Variants in CALN1 observed in about 807,000 individuals in gnomAD.
CALN1 encodes calneuron 1.
Under a neutral mutation model 30.6 loss-of-function variants are expected in CALN1, and 17 were observed. The observed-to-expected ratio is 0.56, with a 90% confidence interval of 0.38 to 0.83. The LOEUF is 0.83. Ranked by LOEUF, CALN1 falls within the 40% of genes least tolerant of loss-of-function variation. CALN1 has a pLI of 0.00. For missense variants in CALN1, 291 were observed against 354.9 expected (o/e 0.82, Z 1.45); for synonymous variants, 156 against 131.4 (o/e 1.19, Z -1.28).
At chr7:72,080,988 T>G (rs898395332) in intron 4 of CALN1, among the ~76,000 whole-genome samples, 11 of 152,124 alleles carry the variant, frequency 7.2e-5, no homozygotes, top group African/African-American at 2.7e-4. Flanking sequence ...TCGCCTAATC[T>G]GGAATTGGTT....
rs531871802 is a variant in CALN1 at position 72,428,859 on chromosome 7, C to A, written c.-225-16584G>T. 3.9e-5 allele frequency among the ~76,000 whole-genome samples: 6 copies of A among 152,160 alleles called. No individual in the cohort carries two copies. In the South Asian group the frequency reaches 1.2e-3, roughly 32 times the overall value. ...TTAAAAAATACAAATGCTAGAGGGA[C>A]CTATCAGAAAAGAGAGAATCACAGA... On this transcript the variant is annotated intron_variant, in intron 1 of 6. Transcript: ENST00000395276.
rs184022571 is a variant in CALN1, at chr7:71,870,104, C to G, written c.502-59612G>C. Among the ~76,000 whole-genome samples the G allele has an allele frequency of 4.0e-3, 613 of 152,308 alleles. 7 individuals are homozygous for G. Among genetic ancestry groups the G allele is most frequent in the African/African-American group, 0.014 (591 of 41,564 alleles). On this transcript the variant is annotated intron_variant, in intron 5 of 6. Transcript: ENST00000395275. The stretch of plus-strand genomic sequence containing the variant: ...TTATTTGTTAAGAAACAAAGAGTGG[C>G]TGGCGCAGTGGCTCACGCCTGTAAT...
At chr7:71,926,142 G>T (rs1795259729) in intron 5 of CALN1, among the ~76,000 whole-genome samples, 1 of 152,052 alleles carries the variant, frequency 6.6e-6, no homozygotes, top group African/African-American at 2.4e-5. Context: ...CTCCCCACAT[G>T]CTCGGGCTCC....
At chr7:72,181,679 G>A (rs111919960) in intron 3 of CALN1, among the ~76,000 whole-genome samples, 27,223 of 152,142 alleles carry the variant, frequency 0.18, 2,645 homozygotes, top group East Asian at 0.28. Flanking sequence ...GTTTCGCCAT[G>A]TTGGCCAGGC....
At chr7:72,236,056 C>G (rs1304340429) in intron 3 of CALN1, among the ~76,000 whole-genome samples, 1 of 98,518 alleles carries the variant, frequency 1.0e-5, no homozygotes, top group Non-Finnish European at 2.0e-5. Context: ...CCTGCCTGGG[C>G]AATATAATGA....
chr7:71,931,798 C>T lies in CALN1; in HGVS notation c.501+91859G>A, dbSNP rs533272205. 2.6e-4 allele frequency among the ~76,000 whole-genome samples: 39 copies of T among 152,282 alleles called. No homozygotes were observed. In the South Asian group the frequency reaches 7.9e-3, roughly 31 times the overall value. ...TACGGTGGCAGGAATTACAGATTATCTTAATCAATAATCATTCTTCTGATT... is the reference window on the plus strand; with the variant it reads ...TACGGTGGCAGGAATTACAGATTATTTTAATCAATAATCATTCTTCTGATT... On this transcript the variant is annotated intron_variant, in intron 5 of 6. Coordinates refer to ENST00000395275, the MANE Select transcript of CALN1 (RefSeq NM_031468.4).
At chr7:72,443,805 T>G (rs937978987) in intron 1 of CALN1, among the ~76,000 whole-genome samples, 4 of 151,664 alleles carry the variant, frequency 2.6e-5, no homozygotes, top group African/African-American at 9.7e-5. Context: ...AAATGTTAGG[T>G]GGTGGTATTC....
intron 5 of CALN1, among the ~76,000 whole-genome samples, chr7:71,917,827 G>A (rs936731716): frequency 2.0e-5 from 3 of 152,096 alleles, no homozygotes; most frequent in South Asian, 4.1e-4. Flanking sequence ...GAGCCAAACC[G>A]TTACAATTGT....
At chr7:72,039,731 G>T (rs1244865017) in intron 4 of CALN1, among the ~76,000 whole-genome samples, 1 of 152,110 alleles carries the variant, frequency 6.6e-6, no homozygotes, top group Admixed American at 6.5e-5. Context: ...GGGAAAAGGG[G>T]GCCCAGGCCT....
chr7:72,076,206 G>A (rs1371053207), intron 4 of CALN1, among the ~76,000 whole-genome samples: 2 of 151,938 alleles, frequency 1.3e-5, no homozygotes, highest in East Asian at 1.9e-4. Flanking sequence ...TAGATCATGG[G>A]TTGATAGGTA....
At chr7:72,290,753 C>G (rs953581169) in intron 2 of CALN1, among the ~76,000 whole-genome samples, 2 of 152,138 alleles carry the variant, frequency 1.3e-5, no homozygotes, top group African/African-American at 4.8e-5. Flanking sequence ...TGTACTTTCT[C>G]TTTTCAGTTT....
At chr7:71,834,637 C>T (rs796500249) in intron 5 of CALN1, among the ~76,000 whole-genome samples, 16 of 152,196 alleles carry the variant, frequency 1.1e-4, no homozygotes, top group African/African-American at 3.9e-4. Context: ...TATCCTTGCA[C>T]CAGTTTTAGT....
chr7:72,290,076 T>A (rs1382472232), intron 2 of CALN1, among the ~76,000 whole-genome samples: 1 of 71,868 alleles, frequency 1.4e-5, no homozygotes, highest in Non-Finnish European at 2.3e-5. Flanking sequence ...CGAGACCCTG[T>A]CTTAAAAAAA....
the CALN1 span, among the ~76,000 whole-genome samples, chr7:72,456,736 C>A: frequency 9.9e-4 from 150 of 152,032 alleles, 1 homozygote; most frequent in African/African-American, 3.4e-3. Context: ...GTCCCAGCTA[C>A]TTGGGAGGCT....
At chr7:72,205,817 A>G (rs28610137) in intron 3 of CALN1, among the ~76,000 whole-genome samples, 3,600 of 151,840 alleles carry the variant, frequency 0.024, 146 homozygotes, top group African/African-American at 0.082. Context: ...CATATTTTAT[A>G]TTTAACTCTT....
intron 5 of CALN1, among the ~76,000 whole-genome samples, chr7:71,926,475 G>T (rs1447639350): frequency 6.6e-6 from 1 of 152,146 alleles, no homozygotes; most frequent in Non-Finnish European, 1.5e-5. Context: ...TGCTTGTTCT[G>T]CTGATTAGAC....
At chr7:72,387,200 GGGAGGGAGGGAA>G (rs1805260769) in intron 2 of CALN1, among the ~76,000 whole-genome samples, 2 of 129,694 alleles carry the variant, frequency 1.5e-5, no homozygotes, top group Non-Finnish European at 3.3e-5. Flanking sequence ...AAGGGAGGGA[GGGAGGGAGGGAA>G]GGAAGGAAGG....
chr7:72,456,804 C>T, the CALN1 span, among the ~76,000 whole-genome samples: 1 of 151,668 alleles, frequency 6.6e-6, no homozygotes, highest in Non-Finnish European at 1.5e-5. Flanking sequence ...CATGACTGTT[C>T]CACTGTACTC....
At chr7:72,026,522 T>A (rs780927536) in intron 4 of CALN1, among the ~76,000 whole-genome samples, 1 of 151,644 alleles carries the variant, frequency 6.6e-6, no homozygotes, top group East Asian at 2.0e-4. Context: ...GAGGCAGAGG[T>A]TGCAGTGAGC....
Sources: gnomAD v4.1 joint callset for allele counts (sites outside exome capture counted in the v4.1 genomes callset) on GRCh38, gnomAD v4.1.1 for gene constraint, MANE v1.5 for transcripts, NCBI Gene and HGNC (gene_info 2026-07-23, HGNC 2026-07-21) for gene names.